Variants in POU6F2 observed in about 807,000 individuals in gnomAD.
The protein encoded by POU6F2 is POU domain, class 6, transcription factor 2.
In POU6F2, 31 loss-of-function variants were observed where a neutral mutation model predicts 71.3. That is an observed-to-expected ratio of 0.43 (90% CI 0.33 to 0.59). POU6F2 has a LOEUF of 0.59. Among genes scored for constraint, POU6F2 ranks in the 20% least tolerant of loss-of-function variants. The pLI, the probability that POU6F2 is intolerant of heterozygous loss-of-function variation, is 0.04. For missense variants in POU6F2, 783 were observed against 856.8 expected, an observed-to-expected ratio of 0.91 and a Z score of 1.07; for synonymous variants, 347 against 355.7, an observed-to-expected ratio of 0.98 and a Z score of 0.27.
chr7:39,213,923 C>T (rs770126088), intron 4 of POU6F2, among the ~76,000 whole-genome samples: 5 of 152,198 alleles, frequency 3.3e-5, no homozygotes, highest in Non-Finnish European at 5.9e-5. Context: ...TCCTTGGCCA[C>T]ATCTGATGAG....
At chr7:39,161,887 G>A (rs41389544) in intron 2 of POU6F2, among the ~76,000 whole-genome samples, 3,451 of 152,248 alleles carry the variant, frequency 0.023, 127 homozygotes, top group African/African-American at 0.078. Flanking sequence ...CTCATGTGTC[G>A]TCATCTTACG....
intron 1 of POU6F2, among the ~76,000 whole-genome samples, chr7:39,029,112 G>A (rs765131773): frequency 6.6e-6 from 1 of 152,048 alleles, no homozygotes; most frequent in Non-Finnish European, 1.5e-5. Flanking sequence ...ATGAGCCACT[G>A]CAACTGGCTA....
At chr7:39,295,743 T>C (rs1244812775) in intron 4 of POU6F2, among the ~76,000 whole-genome samples, 2 of 152,250 alleles carry the variant, frequency 1.3e-5, no homozygotes, top group Non-Finnish European at 2.9e-5. Context: ...TTCTACAAAC[T>C]TCATAGACAA....
chr7:39,409,421 C>T (rs1005412117), intron 6 of POU6F2, among the ~76,000 whole-genome samples: 4 of 152,066 alleles, frequency 2.6e-5, no homozygotes, highest in Admixed American at 6.6e-5. Flanking sequence ...TTTGGCTACC[C>T]GGAAACAAAA....
intron 4 of POU6F2, among the ~76,000 whole-genome samples, chr7:39,215,699 G>A (rs182463946): frequency 6.6e-6 from 1 of 152,272 alleles, no homozygotes; most frequent in Non-Finnish European, 1.5e-5. Flanking sequence ...GGGGAAGCGT[G>A]GCAGGGATGG....
chr7:39,037,378 G>A (rs1790089953), intron 1 of POU6F2, among the ~76,000 whole-genome samples: 1 of 151,694 alleles, frequency 6.6e-6, no homozygotes, highest in Admixed American at 6.6e-5. Context: ...CAGCACCCTG[G>A]GTCTCGGAGA....
chr7:39,141,190 G>A (rs1385163609), intron 2 of POU6F2, among the ~76,000 whole-genome samples: 1 of 152,152 alleles, frequency 6.6e-6, no homozygotes, highest in Non-Finnish European at 1.5e-5. Flanking sequence ...AAGAATGAGA[G>A]CGCATAAAAG....
intron 6 of POU6F2, among the ~76,000 whole-genome samples, chr7:39,432,194 C>G (rs1189904011): frequency 6.6e-6 from 1 of 152,026 alleles, no homozygotes; most frequent in African/African-American, 2.4e-5. Context: ...CTGGCCAGGC[C>G]CCTCCTGTGG....
chr7:39,265,397 A>G (rs971986519), intron 4 of POU6F2, among the ~76,000 whole-genome samples: 1 of 152,164 alleles, frequency 6.6e-6, no homozygotes, highest in Non-Finnish European at 1.5e-5. Flanking sequence ...CAGAGAGAAA[A>G]CCAGAGTTTC....
At chr7:38,988,979 T>G (rs1788530162) in intron 1 of POU6F2, among the ~76,000 whole-genome samples, 1 of 152,110 alleles carries the variant, frequency 6.6e-6, no homozygotes, top group South Asian at 2.1e-4. Flanking sequence ...ACTGTTGCCA[T>G]CAATAACTGT....
chr7:39,133,734 G>A (rs1279410159), intron 2 of POU6F2, among the ~76,000 whole-genome samples: 1 of 152,210 alleles, frequency 6.6e-6, no homozygotes, highest in Non-Finnish European at 1.5e-5. Context: ...TGGCTTGGTA[G>A]ACTGTGCACT....
intron 5 of POU6F2, among the ~76,000 whole-genome samples, chr7:39,397,483 T>C (rs200978002): frequency 0.07 from 9,962 of 142,632 alleles, 365 homozygotes; most frequent in Non-Finnish European, 0.076. Context: ...GAGAGACATA[T>C]ATATATATAT....
At chr7:39,144,548 A>C (rs1033914652) in intron 2 of POU6F2, among the ~76,000 whole-genome samples, 3 of 152,212 alleles carry the variant, frequency 2.0e-5, no homozygotes, top group African/African-American at 7.2e-5. Context: ...GATTATTTGG[A>C]AAGTTGCTGT....
intron 2 of POU6F2, among the ~76,000 whole-genome samples, chr7:39,106,573 G>A (rs753739854): frequency 2.0e-5 from 3 of 152,094 alleles, no homozygotes; most frequent in Non-Finnish European, 4.4e-5. Flanking sequence ...TTGCTCATAT[G>A]GGCATGCTAT....
intron 2 of POU6F2, among the ~76,000 whole-genome samples, chr7:39,199,449 G>T (rs1036876732): frequency 2.0e-5 from 3 of 152,058 alleles, no homozygotes; most frequent in African/African-American, 7.2e-5. Flanking sequence ...AAGAGATGCT[G>T]AGACTGGTTT....
intron 6 of POU6F2, among the ~76,000 whole-genome samples, chr7:39,420,595 A>T (rs1386794480): frequency 6.6e-6 from 1 of 152,198 alleles, no homozygotes; most frequent in Non-Finnish European, 1.5e-5. Flanking sequence ...TGATACTACA[A>T]ACATTGCTTA....
At chr7:39,263,885 A>C (rs1455106836) in intron 4 of POU6F2, among the ~76,000 whole-genome samples, 1 of 152,214 alleles carries the variant, frequency 6.6e-6, no homozygotes, top group African/African-American at 2.4e-5. Flanking sequence ...CTGGCACTAC[A>C]GAGGCAGCCT....
intron 3 of POU6F2, 95 bp downstream of exon 3, chr7:39,204,421 A>T: frequency 1.0e-6 from 1 of 999,240 alleles, no homozygotes; most frequent in Non-Finnish European, 1.4e-6. Flanking sequence ...AATCCAATTG[A>T]CTCCAACAGA....
chr7:39,275,534 T>A (rs1245435193), intron 4 of POU6F2, among the ~76,000 whole-genome samples: 1 of 152,134 alleles, frequency 6.6e-6, no homozygotes, highest in Admixed American at 6.6e-5. Flanking sequence ...CTTTCTTCAC[T>A]GAATTGGAAA....
Sources: allele counts gnomAD v4.1 joint callset (sites outside exome capture counted in the v4.1 genomes callset), GRCh38; gene constraint gnomAD v4.1.1; transcripts MANE v1.5; gene names NCBI Gene and HGNC (gene_info 2026-07-23, HGNC 2026-07-21).